Variants in TNS1 observed in about 807,000 individuals in gnomAD.
TNS1 encodes the protein tensin-1.
TNS1 carries 62 observed loss-of-function variants against 168.6 expected under a neutral mutation model. That is an observed-to-expected ratio of 0.37 (90% CI 0.30 to 0.45). TNS1 has a LOEUF of 0.45. Among genes scored for constraint, TNS1 ranks in the 20% least tolerant of loss-of-function variants. The pLI is 1.00. For missense variants in TNS1, 2,240 were observed against 2,339.4 expected (o/e 0.96, Z 0.88); for synonymous variants, 934 against 933.2 (o/e 1.00, Z -0.02).
intron 4 of TNS1, among the ~76,000 whole-genome samples, chr2:217,916,404 A>C (rs1955011062): frequency 6.6e-6 from 1 of 151,332 alleles, no homozygotes; most frequent in Admixed American, 6.6e-5. Context: ...ACATCATTCC[A>C]CCCCCAGTGC....
chr2:217,829,851 C>G (rs765396837), intron 22 of TNS1: 2 of 1,614,182 alleles, frequency 1.2e-6, no homozygotes, highest in African/African-American at 1.3e-5. Context: ...TACCTTCTGA[C>G]AGCCTGACCA....
chr2:217,942,330 T>A (rs1032099994), intron 3 of TNS1, among the ~76,000 whole-genome samples: 1 of 152,052 alleles, frequency 6.6e-6, no homozygotes, highest in African/African-American at 2.4e-5. Flanking sequence ...GCTCTCCAAA[T>A]CCCTGCCCTC....
rs1363059036 is a variant in TNS1, at chr2:217,818,036, G to C, written c.4296C>G (p.Thr1432=). The C allele has an allele frequency of 3.1e-6, 5 of 1,603,380 alleles. No individual in the cohort carries two copies. Among genetic ancestry groups the C allele is most frequent in the Non-Finnish European group, 3.4e-6 (4 of 1,175,156 alleles). The change falls in exon 24 of 33, where the codon ACC becomes ACG. Residue 1432 remains threonine, a synonymous_variant. Transcript: ENST00000682258. ...DRHVAYGGYS[T]PEDRRPTLSR... is the part of the protein sequence containing the mutation. Reference sequence around the variant, plus strand: ...ACAGTGTGGGTCTCCGATCCTCCGGGGTAGAATAGCCACCATAGGCCACAT... The same window carrying C: ...ACAGTGTGGGTCTCCGATCCTCCGGCGTAGAATAGCCACCATAGGCCACAT...
intron 22 of TNS1, chr2:217,830,352 C>T (rs754921299): frequency 1.2e-6 from 2 of 1,614,092 alleles, no homozygotes; most frequent in Non-Finnish European, 1.7e-6. Flanking sequence ...CAAATGCATG[C>T]CACTGCCCAC....
chr2:217,808,898 G>C (rs563174138), intron 30 of TNS1, among the ~76,000 whole-genome samples: 10 of 152,336 alleles, frequency 6.6e-5, no homozygotes, highest in Admixed American at 4.6e-4. Context: ...GCTGGGGAAG[G>C]AAGAAACTGG....
intron 18 of TNS1, among the ~76,000 whole-genome samples, chr2:217,878,088 T>G (rs1950348407): frequency 6.6e-6 from 1 of 152,164 alleles, no homozygotes; most frequent in African/African-American, 2.4e-5. Context: ...CATTCCTGAG[T>G]GAGCGGCCCA....
chr2:218,007,756 GCCTCACCCTACC>G (rs940694055), upstream of TNS1, among the ~76,000 whole-genome samples: 4 of 152,080 alleles, frequency 2.6e-5, no homozygotes, highest in Admixed American at 2.6e-4. Flanking sequence ...AAGCCATGTT[GCCTCACCCTACC>G]CCTCACCCTC....
intron 22 of TNS1, chr2:217,829,884 T>C (rs749165543): frequency 7.4e-6 from 12 of 1,613,368 alleles, no homozygotes; most frequent in Admixed American, 1.7e-5. Flanking sequence ...CATCTTCCTC[T>C]GAGGGAAGAC....
chr2:217,821,354 A>G (rs1942817333), intron 23 of TNS1, among the ~76,000 whole-genome samples: 1 of 152,148 alleles, frequency 6.6e-6, no homozygotes. Context: ...TGCTGCGAGG[A>G]TTAAATAACT....
intron 4 of TNS1, among the ~76,000 whole-genome samples, chr2:217,913,892 G>A (rs113585226): frequency 2.4e-4 from 37 of 152,168 alleles, no homozygotes; most frequent in African/African-American, 7.7e-4. Flanking sequence ...CCCAGGCAGG[G>A]TCACCAAGGG....
chr2:217,871,457 C>T (rs1049468238), intron 18 of TNS1, among the ~76,000 whole-genome samples: 1 of 152,208 alleles, frequency 6.6e-6, no homozygotes, highest in Non-Finnish European at 1.5e-5. Flanking sequence ...TGCTTAGATA[C>T]AAGGGGCACA....
intron 19 of TNS1, among the ~76,000 whole-genome samples, chr2:217,844,696 T>C (rs765835746): frequency 6.6e-6 from 1 of 152,168 alleles, no homozygotes; most frequent in Non-Finnish European, 1.5e-5. Flanking sequence ...TCTCCTTATC[T>C]CTCTTATTAC....
chr2:217,886,613 G>T lies in TNS1; in HGVS notation c.900C>A (p.Gly300=). The stretch of plus-strand genomic sequence containing the variant: ...AGGGCTTGTTGTTCATTTTGATGGA[G>T]CCGGAGAGCAGGCCACTGAAGTAAT... ...YVHYFSGLLS[G]SIKMNNKPLF... Residue 300 remains glycine, a synonymous_variant, in exon 13 of 33, where the codon GGC becomes GGA. Coordinates refer to ENST00000682258, the MANE Select transcript of TNS1 (RefSeq NM_001387777.1). The T allele has an allele frequency of 6.3e-7, 1 of 1,599,314 alleles. No homozygotes were observed. Among genetic ancestry groups the T allele is most frequent in the Non-Finnish European group, 8.5e-7 (1 of 1,173,108 alleles).
intron 1 of TNS1, among the ~76,000 whole-genome samples, chr2:218,023,937 G>A (rs1050714619): frequency 1.5e-5 from 2 of 129,750 alleles, no homozygotes; most frequent in Non-Finnish European, 3.6e-5. Context: ...GCAGACTTCA[G>A]AGAGTGACAA....
At chr2:218,002,755 C>G in intron 1 of TNS1, 85 bp downstream of exon 1, 1 of 455,910 alleles carries the variant, frequency 2.2e-6, no homozygotes, top group Non-Finnish European at 4.4e-6. Flanking sequence ...CCCGGGCTCT[C>G]AGCAAAAGGA....
At chr2:217,842,639 T>G (rs1300019259) in intron 19 of TNS1, among the ~76,000 whole-genome samples, 2 of 152,196 alleles carry the variant, frequency 1.3e-5, no homozygotes. Flanking sequence ...AGTCAGATGA[T>G]GTCACTCTTG....
chr2:217,962,492 G>T (rs1267963515), intron 3 of TNS1, among the ~76,000 whole-genome samples: 2 of 152,074 alleles, frequency 1.3e-5, no homozygotes, highest in Non-Finnish European at 1.5e-5. Flanking sequence ...AACACAAGGA[G>T]CTCCCATTGG....
At chr2:217,805,537 C>CAG (rs1559132304) in intron 32 of TNS1, among the ~76,000 whole-genome samples, 5 of 1,612 alleles carry the variant, frequency 3.1e-3, no homozygotes, top group African/African-American at 5.1e-3. Context: ...ACACACACCA[C>CAG]ACACACCACC....
intron 30 of TNS1, 65 bp from the exon 31 acceptor site, chr2:217,808,736 AC>A: frequency 6.7e-7 from 1 of 1,500,640 alleles, no homozygotes; most frequent in Non-Finnish European, 9.3e-7. Context: ...CCCTCCTTCC[AC>A]CAGCAGGTCA....
Sources: allele counts gnomAD v4.1 joint callset (sites outside exome capture counted in the v4.1 genomes callset), GRCh38; gene constraint gnomAD v4.1.1; transcripts MANE v1.5; gene names NCBI Gene and HGNC (gene_info 2026-07-23, HGNC 2026-07-21).